The following GALNT2 variants were observed in gnomAD, a reference collection of about 807,000 sequenced individuals.
GALNT2 encodes the protein UDP-GalNAc:polypeptide N-acetylgalactosaminyltransferase 2.
In GALNT2, 31 loss-of-function variants were observed where a neutral mutation model predicts 81.4. The ratio of observed to expected loss-of-function variants is 0.38; its 90% CI spans 0.29 to 0.51. GALNT2 has a LOEUF of 0.51. Among genes scored for constraint, GALNT2 ranks in the 20% least tolerant of loss-of-function variants. The pLI, the probability that GALNT2 is intolerant of heterozygous loss-of-function variation, is 0.87. For synonymous variants in GALNT2, 303 were observed against 287.4 expected (o/e 1.05, Z -0.55); for missense variants, 629 against 765.7 (o/e 0.82, Z 2.11).
chr1:230,112,205 TCA>T (rs1660723418), intron 1 of GALNT2, among the ~76,000 whole-genome samples: 1 of 143,460 alleles, frequency 7.0e-6, no homozygotes, highest in Admixed American at 7.1e-5. Context: ...TGCCCAGGAC[TCA>T]TGTGTCTACC....
In GALNT2 at chr1:230,166,470, T is replaced by C. The variant is rs144082558; in HGVS notation, c.127-11748T>C. Among the ~76,000 whole-genome samples the C allele has an allele frequency of 1.8e-4, 27 of 152,342 alleles. 1 individual carries two copies. The East Asian group carries it at 4.1e-3, about 23-fold the overall frequency. On this transcript the variant is annotated intron_variant, in intron 1 of 15. Transcript: ENST00000366672. ...GTGGGTCATATCATTTTACCAACTTTGAAAGGATTTGTCAGGCCTTTTTCA... is the reference window on the plus strand; with the variant it reads ...GTGGGTCATATCATTTTACCAACTTCGAAAGGATTTGTCAGGCCTTTTTCA...
chr1:230,101,712 A>G (rs965689188), intron 1 of GALNT2, among the ~76,000 whole-genome samples: 1 of 152,206 alleles, frequency 6.6e-6, no homozygotes, highest in Non-Finnish European at 1.5e-5. Context: ...GTGTTCTGTA[A>G]ATCTATGACA....
intron 10 of GALNT2, among the ~76,000 whole-genome samples, 166 bp downstream of exon 10, chr1:230,250,726 T>C (rs1478920451): frequency 6.6e-6 from 1 of 152,192 alleles, no homozygotes; most frequent in Non-Finnish European, 1.5e-5. Flanking sequence ...GAAAGTCTCA[T>C]GAGTTGGGCA....
chr1:230,141,526 T>A (rs1015288313), intron 1 of GALNT2, among the ~76,000 whole-genome samples: 2 of 152,206 alleles, frequency 1.3e-5, no homozygotes, highest in African/African-American at 2.4e-5. Flanking sequence ...TCCCTCATGT[T>A]AGTGGAATCA....
At chr1:230,064,036 G>A (rs1659108681), upstream of GALNT2, among the ~76,000 whole-genome samples, 1 of 151,920 alleles carries the variant, frequency 6.6e-6, no homozygotes, top group Admixed American at 6.6e-5. Context: ...GAACTTTTGG[G>A]GTTTTGGAAT....
chr1:230,170,503 C>G (rs1662756752), intron 1 of GALNT2, among the ~76,000 whole-genome samples: 1 of 152,190 alleles, frequency 6.6e-6, no homozygotes, highest in African/African-American at 2.4e-5. Context: ...TTACACAGTA[C>G]AGGCTTCTGG....
chr1:230,241,598 C>T (rs769589601), intron 6 of GALNT2, among the ~76,000 whole-genome samples: 4 of 152,160 alleles, frequency 2.6e-5, no homozygotes, highest in Non-Finnish European at 4.4e-5. Context: ...AGGCGCACGC[C>T]ACCACGCCTG....
At chr1:230,066,030 G>A (rs548324154), upstream of GALNT2, among the ~76,000 whole-genome samples, 16 of 152,220 alleles carry the variant, frequency 1.1e-4, no homozygotes, top group East Asian at 2.9e-3. Flanking sequence ...AATAGTGGAG[G>A]GAGCTCAGTT....
Position 230,272,016 on chromosome 1 carries a change from C to G in GALNT2, c.1441-2429C>G, listed in dbSNP as rs72762000. ...AGACACTCCCATCACCCAATAAATT[C>G]CAAGGGAGTAGGAGCTGTTTGTTGG... On this transcript the variant is annotated intron_variant, in intron 14 of 15. Transcript: ENST00000366672. 9.2e-3 allele frequency among the ~76,000 whole-genome samples: 1,402 copies of G among 152,294 alleles called. 6 individuals carry two copies. Among genetic ancestry groups the G allele is most frequent in the Middle Eastern group, 0.037 (11 of 294 alleles).
intron 1 of GALNT2, among the ~76,000 whole-genome samples, chr1:230,089,875 C>G (rs188028945): frequency 2.6e-5 from 4 of 152,198 alleles, no homozygotes; most frequent in Non-Finnish European, 4.4e-5. Flanking sequence ...CATTTCCCTT[C>G]GAGACCCTGC....
At chr1:230,195,224 G>A (rs564608963) in intron 2 of GALNT2, among the ~76,000 whole-genome samples, 33 of 152,322 alleles carry the variant, frequency 2.2e-4, no homozygotes, top group South Asian at 1.5e-3. Flanking sequence ...CTGAGGTGCC[G>A]GCAGAGCAGG....
intron 3 of GALNT2, among the ~76,000 whole-genome samples, chr1:230,207,504 C>T (rs1664099140): frequency 6.6e-6 from 1 of 152,108 alleles, no homozygotes; most frequent in Non-Finnish European, 1.5e-5. Context: ...TCAGGAAGCA[C>T]ACAAAAGCCA....
chr1:230,192,551 A>G (rs1663562115), intron 2 of GALNT2, among the ~76,000 whole-genome samples: 1 of 152,234 alleles, frequency 6.6e-6, no homozygotes, highest in South Asian at 2.1e-4. Context: ...TATTATGGTT[A>G]GGTAGTACAA....
At chr1:230,131,579 CCTTG>C (rs1216687123) in intron 1 of GALNT2, among the ~76,000 whole-genome samples, 1 of 152,190 alleles carries the variant, frequency 6.6e-6, no homozygotes, top group Non-Finnish European at 1.5e-5. Flanking sequence ...ACCCAATTCT[CCTTG>C]CTTGGCACCC....
intron 1 of GALNT2, among the ~76,000 whole-genome samples, chr1:230,176,913 G>A (rs938992560): frequency 9.9e-5 from 15 of 152,168 alleles, no homozygotes; most frequent in African/African-American, 2.7e-4. Flanking sequence ...TTGGACCCCC[G>A]GCTGCAGAAT....
At chr1:230,093,869 A>G (rs1461552928) in intron 1 of GALNT2, among the ~76,000 whole-genome samples, 4 of 152,222 alleles carry the variant, frequency 2.6e-5, no homozygotes, top group Non-Finnish European at 5.9e-5. Flanking sequence ...TCATGTTGCC[A>G]CAATAATGAA....
chr1:230,097,477 A>G (rs938568724), intron 1 of GALNT2, among the ~76,000 whole-genome samples: 3 of 152,182 alleles, frequency 2.0e-5, no homozygotes, highest in Non-Finnish European at 4.4e-5. Context: ...AGATACTTCT[A>G]TTAGTGGAAT....
chr1:230,272,966 C>G (rs1666193397), intron 14 of GALNT2, among the ~76,000 whole-genome samples: 1 of 152,108 alleles, frequency 6.6e-6, no homozygotes. Context: ...CAAACAAGGT[C>G]TCGCTATGTT....
At chr1:230,234,087 G>C (rs1461121513) in intron 3 of GALNT2, among the ~76,000 whole-genome samples, 1 of 152,032 alleles carries the variant, frequency 6.6e-6, no homozygotes, top group East Asian at 1.9e-4. Flanking sequence ...GAAAGAATAC[G>C]TGAAAAGGCT....
Sources: gnomAD v4.1 joint callset for allele counts (sites outside exome capture counted in the v4.1 genomes callset) on GRCh38, gnomAD v4.1.1 for gene constraint, MANE v1.5 for transcripts, NCBI Gene and HGNC (gene_info 2026-07-23, HGNC 2026-07-21) for gene names.